The following ASB6 variants were observed in gnomAD, a reference collection of about 807,000 sequenced individuals.
ASB6 encodes ankyrin repeat and SOCS box containing 6, also known as ankyrin repeat and SOCS box protein 6.
A neutral mutation model predicts 28.6 loss-of-function variants in ASB6; 24 were observed. That is an observed-to-expected ratio of 0.84 (90% CI 0.61 to 1.18). The LOEUF (loss-of-function observed/expected upper bound fraction) is 1.18, where lower values mean the gene tolerates loss of function less well. ASB6 is among the 50% of genes most tolerant of loss of function. The pLI is 0.00. For missense variants in ASB6, 519 were observed against 559.8 expected (o/e 0.93, Z 0.74); for synonymous variants, 267 against 243.4 (o/e 1.10, Z -0.90).
chr9:129,640,761 G>T, intron 1 of ASB6, 39 bp from the exon 2 acceptor site: 3 of 1,610,484 alleles, frequency 1.9e-6, no homozygotes, highest in Non-Finnish European at 2.5e-6. Context: ...CACAGCTGTG[G>T]GACCGGGTGA....
In ASB6 at chr9:129,635,499, T is replaced by C. The variant is rs935517544; in HGVS notation, c.*2291A>G. On this transcript the variant is annotated 3_prime_UTR_variant, in exon 6 of 6. Coordinates refer to ENST00000277458, the MANE Select transcript of ASB6 (RefSeq NM_017873.4). The stretch of plus-strand genomic sequence containing the variant: ...GGCAGGAGAAACTGAGGAACCACAG[T>C]CCTGGTGGGGGGAGCTGGCAGCTGG... The C allele has an allele frequency of 3.8e-6, 6 of 1,586,490 alleles. No individual in the cohort carries two copies. Among genetic ancestry groups the C allele is most frequent in the African/African-American group, 1.3e-5 (1 of 74,486 alleles).
chr9:129,641,822 G>T, intron 1 of ASB6, 65 bp downstream of exon 1: 3 of 1,459,334 alleles, frequency 2.1e-6, no homozygotes, highest in Non-Finnish European at 2.8e-6. Context: ...CCGGCTTGTG[G>T]TGATAAAGTG....
At chr9:129,640,882 G>A in intron 1 of ASB6, 160 bp from the exon 2 acceptor site, 1 of 811,374 alleles carries the variant, frequency 1.2e-6, no homozygotes, top group Non-Finnish European at 2.0e-6. Context: ...TAGAGAGAGG[G>A]CCACGCTGCA....
At chr9:129,639,604 G>A in intron 2 of ASB6, 96 bp from the exon 3 acceptor site, 14 of 1,098,142 alleles carry the variant, frequency 1.3e-5, no homozygotes, top group Non-Finnish European at 1.8e-5. Context: ...CACCTAAAGT[G>A]TCCAGAAGCA....
chr9:129,637,587 G>A lies in ASB6; in HGVS notation c.*203C>T. On this transcript the variant is annotated 3_prime_UTR_variant, in exon 6 of 6. Transcript: ENST00000277458. ...ACTTGGAGTGCCGCTGGAGGGAAGG[G>A]GGCAGTCTCTCTGGAAGAACCAGAG... 1 of 438,100 alleles carries A rather than the reference G, an allele frequency of 2.3e-6. No homozygotes were observed. The highest frequency in any genetic ancestry group is 3.9e-6 in the Non-Finnish European group (1 of 255,830). The allele number at this position is 438,100 out of a possible 1,614,324, so 27.1% of individuals were successfully genotyped here. A position where few individuals can be genotyped will look rare whatever the true frequency, so the allele number is the denominator to read the frequency against.
chr9:129,639,137 C>A, intron 4 of ASB6, 65 bp downstream of exon 4: 1 of 1,485,158 alleles, frequency 6.7e-7, no homozygotes, highest in African/African-American at 1.4e-5. Context: ...CCTGGGGCAC[C>A]CTGGGTGTCC....
At position 129,635,025 on chromosome 9, in the gene ASB6, C is replaced by T; in HGVS notation, c.*2765G>A. On this transcript the variant is annotated 3_prime_UTR_variant, in exon 6 of 6. Transcript: ENST00000277458. ...CTTTAGGTAGATGACCTCTGAGCCA[C>T]AGTTTCCTATTCTATGAATTGGGGT... 1 of 693,120 alleles carries T rather than the reference C, an allele frequency of 1.4e-6. No homozygotes were observed. 42.9% of individuals were successfully genotyped at this position (693,120 alleles called of 1,614,324 possible). A position where few individuals can be genotyped will look rare whatever the true frequency, so the allele number is the denominator to read the frequency against.
At position 129,637,940 on chromosome 9, in the gene ASB6, G is replaced by A. The variant is rs1482510160; in HGVS notation, c.1116C>T (p.Pro372=). ...HFSLRQLESY[P]PPLKHLCRVA... ...CACGGCACAGGTGCTTGAGGGGCGG[G>A]GGATAGCTCTCCAGCTGCCTCAAGG... is the stretch of plus-strand genomic sequence containing the variant. The change falls in exon 6 of 6, where the codon CCC becomes CCT. Residue 372 remains proline (P), a synonymous_variant. Coordinates refer to ENST00000277458, the MANE Select transcript of ASB6 (RefSeq NM_017873.4). The A allele has an allele frequency of 6.3e-7, 1 of 1,594,920 alleles. No homozygotes were observed. The highest frequency in any genetic ancestry group is 1.3e-5 in the African/African-American group (1 of 74,554).
At chr9:129,639,549 G>T (rs750855255) in intron 2 of ASB6, 41 bp from the exon 3 acceptor site, 3 of 1,552,706 alleles carry the variant, frequency 1.9e-6, no homozygotes, top group Non-Finnish European at 2.6e-6. Context: ...CTATCTGTCC[G>T]CATTCTTATG....
chr9:129,634,943 A>G lies in ASB6; in HGVS notation c.*2847T>C, dbSNP rs1215203243. 4.2e-6 allele frequency: 2 copies of G among 480,012 alleles called. No individual in the cohort carries two copies. The highest frequency in any genetic ancestry group is 7.6e-5 in the East Asian group (2 of 26,334). The allele number at this position is 480,012 out of a possible 1,614,324, so 29.7% of individuals were successfully genotyped here. On this transcript the variant is annotated 3_prime_UTR_variant, in exon 6 of 6. Transcript: ENST00000277458. ...GCAGGGGTGGGGCATCATGGTGTGT[A>G]GGTATCAGGCAGGACTTGTAAGCCA...
intron 4 of ASB6, 49 bp from the exon 5 acceptor site, chr9:129,638,708 G>A: frequency 2.7e-6 from 4 of 1,504,228 alleles, no homozygotes; most frequent in Non-Finnish European, 2.7e-6. Flanking sequence ...GGAAGCCCAG[G>A]TCAGGGCAAC....
rs1272133130 is a variant in ASB6, at chr9:129,635,860, A to T, written c.*1930T>A. 6 of 221,692 alleles carry T rather than the reference A, an allele frequency of 2.7e-5. No individual in the cohort carries two copies. Among genetic ancestry groups the T allele is most frequent in the Non-Finnish European group, 3.6e-5 (4 of 109,974 alleles). 13.7% of individuals were successfully genotyped at this position (221,692 alleles called of 1,614,324 possible). On this transcript the variant is annotated 3_prime_UTR_variant, in exon 6 of 6. Coordinates refer to ENST00000277458, the MANE Select transcript of ASB6 (RefSeq NM_017873.4). ...ACCACCCCCAACTTGGTTGCTGGGG[A>T]CTTGAAGACTTCAGTGTGATCTTTA...
chr9:129,637,843 G>C lies in ASB6; in HGVS notation c.1213C>G (p.Leu405Val). Residue 405 changes from leucine (L) to valine (V), a missense_variant, in exon 6 of 6, where the codon CTG (leucine) becomes GTG (valine). Physicochemically the swap from Leu to Val is conservative, Grantham distance 32. Coordinates refer to ENST00000277458, the MANE Select transcript of ASB6 (RefSeq NM_017873.4). ...KVKALPLPDR[L>V]KWYLLSEHSG... The stretch of plus-strand genomic sequence containing the variant: ...TGCTCGCTAAGGAGGTACCACTTCA[G>C]CCTGTCGGGCAGAGGCAGGGCTTTG... 6.6e-7 allele frequency: 1 copy of C among 1,525,716 alleles called. No homozygotes were observed. Among genetic ancestry groups the C allele is most frequent in the Non-Finnish European group, 8.8e-7 (1 of 1,137,464 alleles). The allele number at this position is 1,525,716 out of a possible 1,614,324, so 94.5% of individuals were successfully genotyped here.
chr9:129,639,114 A>T, intron 4 of ASB6, 88 bp downstream of exon 4: 1 of 1,301,198 alleles, frequency 7.7e-7, no homozygotes, highest in Non-Finnish European at 1.1e-6. Flanking sequence ...CAGTCTGCCC[A>T]CCTAGCTGTT....
Position 129,634,744 on chromosome 9 carries a change from G to A in ASB6, c.*3046C>T, listed in dbSNP as rs1268723737. The A allele has an allele frequency of 1.8e-5, 4 of 216,362 alleles. No homozygotes were observed. Among genetic ancestry groups the A allele is most frequent in the Admixed American group, 5.3e-5 (1 of 18,732 alleles). The allele number at this position is 216,362 out of a possible 1,614,324, so 13.4% of individuals were successfully genotyped here. On this transcript the variant is annotated 3_prime_UTR_variant, in exon 6 of 6. Transcript: ENST00000277458. ...TGGCGGCAGGCCGCTAGCAGCAGTC[G>A]GCCACCTCCTGAGGCGGGCAGCACA...
chr9:129,640,599 C>T lies in ASB6; in HGVS notation c.237G>A (p.Leu79=), dbSNP rs781413667. Residue 79 remains leucine (L), a synonymous_variant, in exon 2 of 6, where the codon CTG becomes CTA. Transcript: ENST00000277458. Reference sequence around the variant, plus strand: ...GAACGTCGGCCGCCCGCGTCAGCCCCAGCTCAGCCATCTTGAGCAGGGCGT... The same window carrying T: ...GAACGTCGGCCGCCCGCGTCAGCCCTAGCTCAGCCATCTTGAGCAGGGCGT... ...VSNALLKMAE[L]GLTRAADVLL... 20 of 1,613,588 alleles carry T rather than the reference C, an allele frequency of 1.2e-5. No individual in the cohort carries two copies. The highest frequency in any genetic ancestry group is 4.5e-5 in the East Asian group (2 of 44,896).
At chr9:129,638,502 C>T (rs1831612861) in intron 5 of ASB6, 45 bp from the exon 6 acceptor site, 3 of 1,609,024 alleles carry the variant, frequency 1.9e-6, no homozygotes, top group Non-Finnish European at 2.6e-6. Context: ...AGGCCTTCAA[C>T]CCTGGCAAAG....
rs1022427877 is a variant in ASB6, at chr9:129,634,919, CAG to C, written c.*2869_*2870del. 1 of 416,158 alleles carries C rather than the reference CAG, an allele frequency of 2.4e-6. No individual in the cohort carries two copies. Among genetic ancestry groups the C allele is most frequent in the Non-Finnish European group, 4.4e-6 (1 of 228,238 alleles). The allele number at this position is 416,158 out of a possible 1,614,324, so 25.8% of individuals were successfully genotyped here. A position where few individuals can be genotyped will look rare whatever the true frequency, so the allele number is the denominator to read the frequency against. On this transcript the variant is annotated 3_prime_UTR_variant, in exon 6 of 6. Coordinates refer to ENST00000277458, the MANE Select transcript of ASB6 (RefSeq NM_017873.4). ...GTTCACTCCTCCGATCCAAGCCTGG[CAG>C]GGGTGGGGCATCATGGTGTGTAGGT...
rs1290016608 is a variant in ASB6 at position 129,638,276 on chromosome 9, C to G, written c.780G>C (p.Glu260Asp). 3.7e-6 allele frequency: 6 copies of G among 1,613,356 alleles called. No individual in the cohort carries two copies. The highest frequency in any genetic ancestry group is 5.1e-6 in the Non-Finnish European group (6 of 1,180,030). ...TCTTCAGGCAGATGTGGGTGAGGGA[C>G]TCGTGGGCTGGGCACTCGCTGGGGT... ...GADPSECPAH[E>D]SLTHICLKSF... The change falls in exon 6 of 6, where the codon GAG becomes GAC. Residue 260 changes from glutamate to aspartate, a missense_variant. Glu to Asp is a conservative substitution (Grantham distance 45). Coordinates refer to ENST00000277458, the MANE Select transcript of ASB6 (RefSeq NM_017873.4).
Sources: gnomAD v4.1 joint callset for allele counts on GRCh38, gnomAD v4.1.1 for gene constraint, MANE v1.5 for transcripts, NCBI Gene and HGNC (gene_info 2026-07-23, HGNC 2026-07-21) for gene names.